The following TBXAS1 variants were observed in gnomAD, a reference collection of about 807,000 sequenced individuals.
The protein encoded by TBXAS1 is thromboxane-A synthase.
TBXAS1 carries 48 observed loss-of-function variants against 60.7 expected under a neutral mutation model. That is an observed-to-expected ratio of 0.79 (90% CI 0.63 to 1.01). The LOEUF is 1.01. Ranked by LOEUF, TBXAS1 falls within the 50% of genes least tolerant of loss-of-function variation. The pLI is 0.00. For missense variants in TBXAS1, 685 were observed against 686.3 expected, an observed-to-expected ratio of 1.00 and a Z score of 0.02; for synonymous variants, 287 against 269.7, an observed-to-expected ratio of 1.06 and a Z score of -0.63.
At chr7:139,966,571 G>A (rs1424141774) in intron 9 of TBXAS1, among the ~76,000 whole-genome samples, 2 of 152,190 alleles carry the variant, frequency 1.3e-5, no homozygotes, top group East Asian at 3.8e-4. Context: ...CCAGTGTTTT[G>A]AACAGTCTCA....
chr7:139,990,883 T>C (rs1247588181), intron 9 of TBXAS1, among the ~76,000 whole-genome samples: 3 of 152,160 alleles, frequency 2.0e-5, no homozygotes, highest in Non-Finnish European at 4.4e-5. Context: ...CAGTCCAGTG[T>C]GTCCCCACCT....
chr7:139,953,201 A>G (rs1251291154), intron 5 of TBXAS1, among the ~76,000 whole-genome samples, 167 bp from the exon 6 acceptor site: 1 of 152,238 alleles, frequency 6.6e-6, no homozygotes, highest in Non-Finnish European at 1.5e-5. Flanking sequence ...TTTTATGAAT[A>G]TTTGTGAATT....
At chr7:139,932,080 TGGAGTGAACCCAGGAGGC>T (rs1807372726) in intron 4 of TBXAS1, among the ~76,000 whole-genome samples, 1 of 144,798 alleles carries the variant, frequency 6.9e-6, no homozygotes, top group East Asian at 2.0e-4. Context: ...GACAGGAGAA[TGGAGTGAACCCAGGAGGC>T]GGAGCTTGCA....
At chr7:139,949,923 G>A (rs749674858) in intron 5 of TBXAS1, among the ~76,000 whole-genome samples, 9 of 152,270 alleles carry the variant, frequency 5.9e-5, no homozygotes, top group Middle Eastern at 6.8e-3. Context: ...GGGGCACAAG[G>A]CTCTGCACCA....
intron 9 of TBXAS1, among the ~76,000 whole-genome samples, chr7:140,000,030 G>T (rs1478261770): frequency 6.6e-6 from 1 of 152,046 alleles, no homozygotes; most frequent in Non-Finnish European, 1.5e-5. Context: ...GTGTAGGTGT[G>T]TGACTGTGTG....
intron 9 of TBXAS1, among the ~76,000 whole-genome samples, chr7:139,977,263 T>G (rs534621119): frequency 6.6e-6 from 1 of 152,274 alleles, no homozygotes; most frequent in East Asian, 1.9e-4. Context: ...TGGGGAGGCC[T>G]GACAATCATG....
chr7:139,931,615 A>C (rs1183977329), intron 4 of TBXAS1, among the ~76,000 whole-genome samples: 1 of 152,188 alleles, frequency 6.6e-6, no homozygotes. Flanking sequence ...CTGTGCAGGG[A>C]AACTCCCCTT....
intron 3 of TBXAS1, among the ~76,000 whole-genome samples, chr7:139,895,849 T>C (rs62490077): frequency 0.097 from 14,835 of 152,282 alleles, 777 homozygotes; most frequent in Non-Finnish European, 0.12. Context: ...CCATGGCTGA[T>C]GGAGCCAACA....
chr7:139,787,177 A>T (rs1180135243), intron 3 of TBXAS1, among the ~76,000 whole-genome samples: 1 of 152,228 alleles, frequency 6.6e-6, no homozygotes, highest in Non-Finnish European at 1.5e-5. Flanking sequence ...TTGTCATAGA[A>T]TTCTGAGGAT....
intron 3 of TBXAS1, among the ~76,000 whole-genome samples, chr7:139,897,579 C>T (rs1016725448): frequency 6.6e-6 from 1 of 152,102 alleles, no homozygotes; most frequent in African/African-American, 2.4e-5. Context: ...GAGACAGAAA[C>T]CTCTGAGTGG....
chr7:139,841,337 A>AG (rs1799435458), intron 1 of TBXAS1, among the ~76,000 whole-genome samples: 1 of 152,256 alleles, frequency 6.6e-6, no homozygotes, highest in Non-Finnish European at 1.5e-5. Context: ...GAAGTACCCC[A>AG]GGCAAAGACA....
chr7:139,808,260 C>G (rs2116387867), intron 4 of TBXAS1, among the ~76,000 whole-genome samples: 1 of 152,110 alleles, frequency 6.6e-6, no homozygotes, highest in South Asian at 2.1e-4. Context: ...ATCACTTGAG[C>G]CTGGGAGGCA....
upstream of TBXAS1, among the ~76,000 whole-genome samples, chr7:139,826,686 C>T (rs565423826): frequency 1.6e-4 from 24 of 152,250 alleles, no homozygotes; most frequent in Admixed American, 2.6e-4. Flanking sequence ...AAGATTTACC[C>T]GCTAGGTGTG....
chr7:139,941,408 C>G (rs1182562975), intron 5 of TBXAS1, among the ~76,000 whole-genome samples: 1 of 147,766 alleles, frequency 6.8e-6, no homozygotes, highest in Non-Finnish European at 1.5e-5. Context: ...TATCATGAAG[C>G]CATATTTGTA....
At chr7:139,892,438 C>G (rs928514697) in intron 3 of TBXAS1, among the ~76,000 whole-genome samples, 3 of 152,036 alleles carry the variant, frequency 2.0e-5, no homozygotes, top group African/African-American at 7.2e-5. Context: ...TAAAAAAATA[C>G]AAAAATTAGC....
upstream of TBXAS1, among the ~76,000 whole-genome samples, chr7:139,828,644 C>T (rs1335912698): frequency 6.6e-6 from 1 of 152,198 alleles, no homozygotes. Context: ...ATCTCTCTGT[C>T]CACTTTAGTC....
chr7:139,798,242 C>T lies in TBXAS1; in HGVS notation c.-80+10816C>T, dbSNP rs73475982. ...CCAGCCAGAAGGAAAAGAAAGAAGC[C>T]GGTGAAGCAGGAAGAGAAGAAAACA... On this transcript the variant is annotated intron_variant, in intron 4 of 16. Transcript: ENST00000336425. Among the ~76,000 whole-genome samples the T allele has an allele frequency of 8.4e-3, 1,281 of 151,836 alleles. 15 individuals carry two copies. Among genetic ancestry groups the T allele is most frequent in the African/African-American group, 0.029 (1,202 of 41,364 alleles).
chr7:139,817,103 C>T (rs1262349345), intron 4 of TBXAS1, among the ~76,000 whole-genome samples: 1 of 152,174 alleles, frequency 6.6e-6, no homozygotes, highest in African/African-American at 2.4e-5. Flanking sequence ...TCTGAATCCT[C>T]CTCCACCGAT....
chr7:139,960,122 G>A (rs1048359812), intron 8 of TBXAS1, among the ~76,000 whole-genome samples: 17 of 152,180 alleles, frequency 1.1e-4, no homozygotes, highest in Non-Finnish European at 2.1e-4. Context: ...CTGTTGGGAA[G>A]CTGAGGCCTT....
Sources: gnomAD v4.1 joint callset for allele counts (sites outside exome capture counted in the v4.1 genomes callset) on GRCh38, gnomAD v4.1.1 for gene constraint, MANE v1.5 for transcripts, NCBI Gene and HGNC (gene_info 2026-07-23, HGNC 2026-07-21) for gene names.